The following AOPEP variants were observed in gnomAD, a reference collection of about 807,000 sequenced individuals.
AOPEP encodes the protein aminopeptidase O (putative), also known as aminopeptidase O.
In AOPEP, 77 loss-of-function variants were observed where a neutral mutation model predicts 98.1. That is an observed-to-expected ratio of 0.78 (90% CI 0.65 to 0.95). AOPEP has a LOEUF of 0.95. Ranked by LOEUF, AOPEP falls within the 40% of genes least tolerant of loss-of-function variation. The pLI, the probability that AOPEP is intolerant of heterozygous loss-of-function variation, is 0.00. For synonymous variants in AOPEP, 346 were observed against 365.3 expected, an observed-to-expected ratio of 0.95 and a Z score of 0.60; for missense variants, 1,024 against 1,024.7, an observed-to-expected ratio of 1.00 and a Z score of 0.01.
chr9:94,977,723 T>A (rs2059938246), intron 10 of AOPEP, among the ~76,000 whole-genome samples: 1 of 152,118 alleles, frequency 6.6e-6, no homozygotes, highest in South Asian at 2.1e-4. Context: ...TAAGAAGCAG[T>A]GGAAGGCCCA....
chr9:94,924,145 G>C lies in AOPEP; in HGVS notation c.1524G>C (p.Leu508Phe). Residue 508 changes from leucine (L) to phenylalanine (F), a missense_variant, in exon 6 of 17, where the codon TTG (leucine) becomes TTC (phenylalanine). Physicochemically the swap from Leu to Phe is conservative, Grantham distance 22 (BLOSUM62 0). This residue lies in a region of AOPEP where 566 missense variants were observed against 551.7 expected (regional missense o/e 1.03). Transcript: ENST00000375315. ...TGAGTGAAGGCTTCGCCACTCACTT[G>C]GAGGATGTGTTTTGGGCCACAGCAC... ...EWLSEGFATH[L>F]EDVFWATAQQ... 6.8e-7 allele frequency: 1 copy of C among 1,463,636 alleles called. No individual in the cohort carries two copies. Among genetic ancestry groups the C allele is most frequent in the Admixed American group, 2.5e-5 (1 of 40,100 alleles). 90.7% of individuals were successfully genotyped at this position (1,463,636 alleles called of 1,614,324 possible).
chr9:95,086,340 C>T, intron 16 of AOPEP: 3 of 985,428 alleles, frequency 3.0e-6, no homozygotes, highest in Non-Finnish European at 3.6e-6. Context: ...CGTTTGCCCC[C>T]ATGTGTAAGG....
chr9:95,111,493 A>C, the AOPEP span: 1 of 1,613,680 alleles, frequency 6.2e-7, no homozygotes, highest in South Asian at 1.1e-5. Context: ...GCCTCCCATC[A>C]CGGGGGCCGT....
At chr9:94,973,126 C>T (rs2059630769) in intron 10 of AOPEP, among the ~76,000 whole-genome samples, 1 of 152,188 alleles carries the variant, frequency 6.6e-6, no homozygotes, top group Non-Finnish European at 1.5e-5. Flanking sequence ...TATCTGGCTG[C>T]ACTTCCCAAT....
intron 13 of AOPEP, among the ~76,000 whole-genome samples, chr9:95,015,433 C>T (rs2062894467): frequency 6.6e-6 from 1 of 152,172 alleles, no homozygotes; most frequent in Non-Finnish European, 1.5e-5. Flanking sequence ...TAACACATTT[C>T]TTATTAAATT....
the AOPEP span, chr9:95,101,570 C>T: frequency 9.5e-7 from 1 of 1,053,318 alleles, no homozygotes; most frequent in Non-Finnish European, 1.4e-6. Context: ...CAGATTGTCC[C>T]AAGATGTGTA....
At chr9:94,932,836 GA>G (rs1358655613) in intron 7 of AOPEP, 1 of 985,238 alleles carries the variant, frequency 1.0e-6, no homozygotes, top group African/African-American at 1.7e-5. Context: ...CGATGTGTCT[GA>G]GATTGACTTC....
intron 16 of AOPEP, 153 bp from the exon 17 acceptor site, chr9:95,086,529 C>G: frequency 1.0e-6 from 1 of 985,362 alleles, no homozygotes; most frequent in Non-Finnish European, 1.2e-6. Flanking sequence ...CGCTGTGACC[C>G]GTCCCGGAGA....
At chr9:94,898,868 G>C (rs1458090384) in intron 5 of AOPEP, among the ~76,000 whole-genome samples, 3 of 145,562 alleles carry the variant, frequency 2.1e-5, no homozygotes, top group Non-Finnish European at 4.5e-5. Context: ...GCGTGAACTC[G>C]GGAGGTGGAG....
rs1378177336 is a variant in AOPEP at position 94,731,765 on chromosome 9, T to C, written c.-136+5014T>C. ...AGAAGGTTTTTTTTCCCCCTGCCTTTTTTCCCTAGTCTGTTCTCTTTTGCC... is the reference window on the plus strand; with the variant it reads ...AGAAGGTTTTTTTTCCCCCTGCCTTCTTTCCCTAGTCTGTTCTCTTTTGCC... On this transcript the variant is annotated intron_variant, in intron 1 of 16. Coordinates refer to ENST00000375315, the MANE Select transcript of AOPEP (RefSeq NM_001193329.3). 5.9e-5 allele frequency among the ~76,000 whole-genome samples: 9 copies of C among 151,776 alleles called. No individual in the cohort carries two copies. The East Asian group carries it at 1.5e-3, about 26-fold the overall frequency.
At chr9:95,002,076 G>C (rs182062468) in intron 11 of AOPEP, among the ~76,000 whole-genome samples, 1 of 152,094 alleles carries the variant, frequency 6.6e-6, no homozygotes, top group Non-Finnish European at 1.5e-5. Flanking sequence ...ACCGTGCACA[G>C]CCTGTTTATA....
At chr9:94,760,712 C>A in intron 2 of AOPEP, 132 bp downstream of exon 2, 1 of 672,766 alleles carries the variant, frequency 1.5e-6, no homozygotes, top group Non-Finnish European at 2.3e-6. Flanking sequence ...AGCCTCAAAT[C>A]CTTAGACCTA....
chr9:95,129,186 C>T, the AOPEP span, among the ~76,000 whole-genome samples: 2 of 152,174 alleles, frequency 1.3e-5, no homozygotes, highest in African/African-American at 4.8e-5. Flanking sequence ...CAGCTGTGAA[C>T]TGCTCCTTCT....
At chr9:94,927,635 C>T (rs557056448) in intron 6 of AOPEP, among the ~76,000 whole-genome samples, 14 of 152,332 alleles carry the variant, frequency 9.2e-5, no homozygotes, top group African/African-American at 2.4e-4. Flanking sequence ...TCACCTCTCC[C>T]GTCACCTGCT....
At chr9:95,099,125 A>T in the AOPEP span, 1 of 209,760 alleles carries the variant, frequency 4.8e-6, no homozygotes, top group South Asian at 1.9e-4. Context: ...AGAGCTAAAA[A>T]ATTCCACAGA....
At chr9:94,824,628 G>A (rs1273966749) in intron 5 of AOPEP, 1 of 152,198 alleles carries the variant, frequency 6.6e-6, no homozygotes, top group Admixed American at 6.5e-5. Flanking sequence ...GGAACCAGGA[G>A]CTCATGGCTC....
chr9:94,932,642 C>G (rs2055543766), intron 7 of AOPEP: 1 of 199,910 alleles, frequency 5.0e-6, no homozygotes. Flanking sequence ...TGCCACTATG[C>G]CCGGCTAATT....
At chr9:95,129,340 A>C in the AOPEP span, among the ~76,000 whole-genome samples, 2 of 152,212 alleles carry the variant, frequency 1.3e-5, no homozygotes, top group Non-Finnish European at 2.9e-5. Flanking sequence ...TCACAAAAGC[A>C]ATCTTAAGCT....
chr9:95,083,080 A>G (rs760199870), intron 16 of AOPEP: 10 of 222,776 alleles, frequency 4.5e-5, no homozygotes, highest in Non-Finnish European at 8.1e-5. Context: ...GCCTGGCAGA[A>G]GCGCTGGTCC....
Sources: gnomAD v4.1 joint callset for allele counts (sites outside exome capture counted in the v4.1 genomes callset) on GRCh38, gnomAD v4.1.1 for gene constraint, gnomAD v4.1.1 regional missense constraint, MANE v1.5 for transcripts, NCBI Gene and HGNC (gene_info 2026-07-23, HGNC 2026-07-21) for gene names.